The following INSL6 variants were observed in gnomAD, a reference collection of about 807,000 sequenced individuals.
INSL6 encodes insulin-like peptide INSL6.
A neutral mutation model predicts 9.4 loss-of-function variants in INSL6; 16 were observed. The ratio of observed to expected loss-of-function variants is 1.70; its 90% CI spans 1.15 to 2.59. The LOEUF (loss-of-function observed/expected upper bound fraction) is 2.59, where lower values mean the gene tolerates loss of function less well. Among genes scored for constraint, INSL6 ranks in the 30% most tolerant of loss-of-function variants. The pLI is 0.00. For synonymous variants in INSL6, 154 were observed against 96.9 expected (o/e 1.59, Z -3.46); for missense variants, 391 against 257.3 (o/e 1.52, Z -3.56).
chr9:4,992,487 A>T, the INSL6 span, among the ~76,000 whole-genome samples: 1 of 152,156 alleles, frequency 6.6e-6, no homozygotes, highest in Admixed American at 6.5e-5. Context: ...ATCTTTGGAC[A>T]ATTATTAATA....
At chr9:5,170,527 A>G (rs1484707231) in intron 1 of INSL6, among the ~76,000 whole-genome samples, 1 of 150,418 alleles carries the variant, frequency 6.6e-6, no homozygotes, top group East Asian at 1.9e-4. Flanking sequence ...GACACGAAAA[A>G]CCCTTCAAAC....
the INSL6 span, among the ~76,000 whole-genome samples, chr9:5,077,212 A>C: frequency 1.3e-5 from 2 of 150,190 alleles, no homozygotes; most frequent in African/African-American, 4.9e-5. Context: ...ATTATATATT[A>C]TACATTTATG....
chr9:5,041,643 G>T, the INSL6 span: 10 of 504,212 alleles, frequency 2.0e-5, no homozygotes, highest in South Asian at 1.5e-4. Context: ...TGAGAAGCTC[G>T]ACTACGACTA....
the INSL6 span, among the ~76,000 whole-genome samples, chr9:5,038,067 A>G: frequency 3.9e-5 from 6 of 152,180 alleles, no homozygotes; most frequent in African/African-American, 1.4e-4. Flanking sequence ...TCTTATAACT[A>G]GTGATGCTGA....
the INSL6 span, among the ~76,000 whole-genome samples, chr9:5,029,608 A>C: frequency 6.6e-6 from 1 of 152,246 alleles, no homozygotes; most frequent in Admixed American, 6.5e-5. Context: ...GTATAAAAAA[A>C]GATTGTGATT....
the INSL6 span, among the ~76,000 whole-genome samples, chr9:5,054,300 T>C: frequency 2.0e-5 from 3 of 152,144 alleles, no homozygotes; most frequent in East Asian, 3.9e-4. This position sits in a 1 kb window ranked among gnomAD's most constrained non-coding sequence, Gnocchi z 4.9. Flanking sequence ...TGAGGATTCA[T>C]TTCATTAGGG....
the INSL6 span, among the ~76,000 whole-genome samples, chr9:5,014,216 C>G: frequency 7.1e-6 from 1 of 141,768 alleles, no homozygotes; most frequent in African/African-American, 2.7e-5. Flanking sequence ...GTTGCCCAGG[C>G]TGGACTTGAA....
At chr9:5,021,944 T>G in the INSL6 span, 3 of 1,465,000 alleles carry the variant, frequency 2.0e-6, no homozygotes, top group Non-Finnish European at 2.9e-6. Flanking sequence ...ATTTGTAACT[T>G]TATTGTTTTC....
the INSL6 span, among the ~76,000 whole-genome samples, chr9:4,993,189 T>C: frequency 6.6e-6 from 1 of 152,180 alleles, no homozygotes; most frequent in African/African-American, 2.4e-5. Context: ...AACTCTTTCC[T>C]CCCCTAAGCT....
the INSL6 span, among the ~76,000 whole-genome samples, chr9:5,052,834 C>A: frequency 6.6e-6 from 1 of 151,982 alleles, no homozygotes; most frequent in Non-Finnish European, 1.5e-5. Context: ...TACTTCATTT[C>A]TTTTTATTGC....
chr9:5,115,714 T>C, the INSL6 span, among the ~76,000 whole-genome samples: 5 of 152,210 alleles, frequency 3.3e-5, no homozygotes, highest in Non-Finnish European at 7.3e-5. Flanking sequence ...ATATACACCA[T>C]GGAATACTAT....
chr9:5,144,467 T>C (rs904680250), intron 2 of INSL6, among the ~76,000 whole-genome samples: 2 of 152,178 alleles, frequency 1.3e-5, no homozygotes, highest in African/African-American at 4.8e-5. Context: ...GAGATGAATG[T>C]ATATTCTGTT....
the INSL6 span, among the ~76,000 whole-genome samples, chr9:5,104,270 A>C: frequency 2.0e-5 from 3 of 152,228 alleles, no homozygotes; most frequent in Non-Finnish European, 4.4e-5. Context: ...CTACCATCAG[A>C]GAATACTATT....
intron 3 of INSL6, among the ~76,000 whole-genome samples, chr9:5,131,204 T>C (rs1312484188): frequency 6.6e-6 from 1 of 152,152 alleles, no homozygotes; most frequent in African/African-American, 2.4e-5. Context: ...AGTATACATA[T>C]CATACTTTCT....
At chr9:5,137,069 A>C (rs529818260) in intron 2 of INSL6, among the ~76,000 whole-genome samples, 6 of 152,222 alleles carry the variant, frequency 3.9e-5, no homozygotes, top group Non-Finnish European at 7.3e-5. Flanking sequence ...AGGGATGTGA[A>C]GGACCTCTTC....
intron 3 of INSL6, among the ~76,000 whole-genome samples, chr9:5,129,726 G>T (rs1275542366): frequency 6.6e-6 from 1 of 152,088 alleles, no homozygotes; most frequent in Non-Finnish European, 1.5e-5. Context: ...TAGCTGCTAA[G>T]CGTTTCATAA....
rs116757596 is a variant in INSL6 at position 5,183,214 on chromosome 9, T to C, written c.289+2100A>G. ...ACAGAATAAATGTCATCTTCCCTTA[T>C]AGATTAATAATTTTTAAAATTATAA... On this transcript the variant is annotated intron_variant, in intron 1 of 1. Coordinates refer to ENST00000381641, the MANE Select transcript of INSL6 (RefSeq NM_007179.3). 7.5e-3 allele frequency among the ~76,000 whole-genome samples: 1,136 copies of C among 152,304 alleles called. 14 individuals carry two copies. Among genetic ancestry groups the C allele is most frequent in the African/African-American group, 0.026 (1,078 of 41,564 alleles).
the INSL6 span, among the ~76,000 whole-genome samples, chr9:5,064,161 G>A: frequency 6.7e-6 from 1 of 149,650 alleles, no homozygotes; most frequent in African/African-American, 2.5e-5. Flanking sequence ...GACTGGGCGG[G>A]GGCCACAAAA....
At chr9:5,088,160 C>G in the INSL6 span, among the ~76,000 whole-genome samples, 1 of 151,868 alleles carries the variant, frequency 6.6e-6, no homozygotes, top group South Asian at 2.1e-4. Flanking sequence ...CTGAATTGTC[C>G]GCGGTCACAG....
Sources: gnomAD v4.1 joint callset for allele counts (sites outside exome capture counted in the v4.1 genomes callset) on GRCh38, gnomAD v4.1.1 for gene constraint, Gnocchi (gnomAD v3.1) non-coding constraint, MANE v1.5 for transcripts, NCBI Gene and HGNC (gene_info 2026-07-23, HGNC 2026-07-21) for gene names.